Variants in LSAMP observed in about 807,000 individuals in gnomAD.
The protein encoded by LSAMP is limbic system-associated membrane protein.
Under a neutral mutation model 38.6 loss-of-function variants are expected in LSAMP, and 7 were observed. The ratio of observed to expected loss-of-function variants is 0.18; its 90% CI spans 0.10 to 0.34. The LOEUF (loss-of-function observed/expected upper bound fraction) is 0.34. Among genes scored for constraint, LSAMP ranks in the 10% least tolerant of loss-of-function variants. LSAMP has a pLI of 1.00. For synonymous variants in LSAMP, 154 were observed against 166.8 expected (o/e 0.92, Z 0.59); for missense variants, 313 against 420.0 (o/e 0.75, Z 2.23).
intron 1 of LSAMP, among the ~76,000 whole-genome samples, chr3:116,324,662 A>G (rs897368942): frequency 2.0e-5 from 3 of 152,172 alleles, no homozygotes; most frequent in African/African-American, 7.2e-5. Flanking sequence ...TCCTTTTGCA[A>G]CAAGTCATGC....
intron 1 of LSAMP, among the ~76,000 whole-genome samples, chr3:116,121,783 T>C (rs918047955): frequency 6.6e-6 from 1 of 152,116 alleles, no homozygotes; most frequent in African/African-American, 2.4e-5. Context: ...AGCAAGCTTG[T>C]CCAACCCGCA....
At position 116,119,691 on chromosome 3, in the gene LSAMP, C is replaced by T. The variant is rs530042015; in HGVS notation, c.156-33135G>A. Reference sequence around the variant, plus strand: ...TTTTTTTTTTTGAGAAGGAGTCTTGCTCTGTTACCCAGGCTGGAGTACAGT... The same window carrying T: ...TTTTTTTTTTTGAGAAGGAGTCTTGTTCTGTTACCCAGGCTGGAGTACAGT... On this transcript the variant is annotated intron_variant, in intron 1 of 6. Coordinates refer to ENST00000490035, the MANE Select transcript of LSAMP (RefSeq NM_002338.5). Among the ~76,000 whole-genome samples, 119 of 148,208 alleles carry T rather than the reference C, an allele frequency of 8.0e-4. 1 individual carries two copies. Among genetic ancestry groups the T allele is most frequent in the African/African-American group, 2.8e-3 (113 of 39,878 alleles).
chr3:116,179,232 A>C (rs1206273568), intron 1 of LSAMP, among the ~76,000 whole-genome samples: 1 of 152,164 alleles, frequency 6.6e-6, no homozygotes, highest in Non-Finnish European at 1.5e-5. Context: ...AAACCTTTGT[A>C]GACATCTGGA....
At position 116,026,734 on chromosome 3, in the gene LSAMP, G is replaced by A. The variant is rs987454859; in HGVS notation, c.389-7094C>T. ...AGACTGTGTTAATGGCCTCAAATCT[G>A]TACTCCTCCCTCTATCCCCATCCTT... On this transcript the variant is annotated intron_variant, in intron 2 of 6. Transcript: ENST00000490035. 2.0e-5 allele frequency among the ~76,000 whole-genome samples: 3 copies of A among 152,260 alleles called. No homozygotes were observed. The East Asian group carries it at 5.8e-4, about 29-fold the overall frequency.
intron 3 of LSAMP, among the ~76,000 whole-genome samples, chr3:115,870,973 A>C (rs1936016067): frequency 6.6e-6 from 1 of 152,156 alleles, no homozygotes; most frequent in African/African-American, 2.4e-5. Context: ...CCCACAGAAG[A>C]GAAAACTCAT....
intron 1 of LSAMP, among the ~76,000 whole-genome samples, chr3:116,090,051 T>TAA (rs11425708): frequency 6.6e-5 from 10 of 150,692 alleles, no homozygotes; most frequent in East Asian, 5.9e-4. Context: ...AAAGTACACA[T>TAA]GAAAAAAAAT....
chr3:115,941,176 T>C (rs1203807578), intron 3 of LSAMP, among the ~76,000 whole-genome samples: 1 of 152,098 alleles, frequency 6.6e-6, no homozygotes, highest in Non-Finnish European at 1.5e-5. Flanking sequence ...TCAACAGGTA[T>C]ATGAAAACAT....
chr3:116,349,755 G>A (rs1357107105), intron 1 of LSAMP, among the ~76,000 whole-genome samples: 1 of 151,978 alleles, frequency 6.6e-6, no homozygotes, highest in African/African-American at 2.4e-5. Flanking sequence ...TCACACGCCT[G>A]GGATTTCCAA....
chr3:116,204,692 G>C (rs887901614), intron 1 of LSAMP, among the ~76,000 whole-genome samples: 43 of 151,878 alleles, frequency 2.8e-4, no homozygotes, highest in Non-Finnish European at 5.4e-4. Flanking sequence ...TCTCAGGTTT[G>C]TCAAAGATCA....
chr3:115,935,546 C>T (rs1247532134), intron 3 of LSAMP, among the ~76,000 whole-genome samples: 2 of 152,168 alleles, frequency 1.3e-5, no homozygotes, highest in East Asian at 3.9e-4. Context: ...ACTGAGTTAT[C>T]TCATCCTGTT....
At chr3:115,840,115 T>C (rs1934947896) in intron 6 of LSAMP, among the ~76,000 whole-genome samples, 1 of 152,266 alleles carries the variant, frequency 6.6e-6, no homozygotes, top group Admixed American at 6.5e-5. Flanking sequence ...ATTTTATTTA[T>C]TATTTGAAAT....
At chr3:115,928,737 A>G (rs1464340872) in intron 3 of LSAMP, among the ~76,000 whole-genome samples, 1 of 152,182 alleles carries the variant, frequency 6.6e-6, no homozygotes, top group Non-Finnish European at 1.5e-5. Context: ...ATAAATCAAG[A>G]ATGTTGAGGA....
At chr3:116,283,974 C>G (rs1198826454) in intron 1 of LSAMP, among the ~76,000 whole-genome samples, 2 of 151,946 alleles carry the variant, frequency 1.3e-5, no homozygotes, top group African/African-American at 4.8e-5. Flanking sequence ...CCACTGCACT[C>G]AAACCTGGGT....
chr3:116,315,465 AG>A (rs2047616335), intron 1 of LSAMP, among the ~76,000 whole-genome samples: 1 of 152,194 alleles, frequency 6.6e-6, no homozygotes, highest in Non-Finnish European at 1.5e-5. Context: ...GGAAAAAAAA[AG>A]CTGTTAAACT....
chr3:116,164,679 AT>A, intron 1 of LSAMP, among the ~76,000 whole-genome samples: 4 of 140,026 alleles, frequency 2.9e-5, no homozygotes, highest in Non-Finnish European at 6.2e-5. Flanking sequence ...AAATATATAT[AT>A]ATAATCCAAA....
intron 3 of LSAMP, among the ~76,000 whole-genome samples, chr3:115,915,297 G>A (rs1404651588): frequency 1.3e-5 from 2 of 152,174 alleles, no homozygotes; most frequent in African/African-American, 4.8e-5. Flanking sequence ...TGATGACTGA[G>A]GTGATAAATA....
At chr3:116,336,733 A>C (rs916390247) in intron 1 of LSAMP, among the ~76,000 whole-genome samples, 9 of 152,014 alleles carry the variant, frequency 5.9e-5, no homozygotes, top group Non-Finnish European at 8.8e-5. Flanking sequence ...ACAGTATGGC[A>C]ATGCCTCGAA....
At chr3:116,270,926 C>T (rs1261842643) in intron 1 of LSAMP, among the ~76,000 whole-genome samples, 1 of 152,108 alleles carries the variant, frequency 6.6e-6, no homozygotes, top group East Asian at 1.9e-4. Flanking sequence ...ACAAAGCTTG[C>T]TTACTTCTCC....
chr3:116,269,349 T>C (rs189283452), intron 1 of LSAMP, among the ~76,000 whole-genome samples: 1 of 152,240 alleles, frequency 6.6e-6, no homozygotes, highest in East Asian at 1.9e-4. Context: ...ACACATATTA[T>C]ATACCCTGTT....
Sources: gnomAD v4.1 joint callset for allele counts (sites outside exome capture counted in the v4.1 genomes callset) on GRCh38, gnomAD v4.1.1 for gene constraint, MANE v1.5 for transcripts, NCBI Gene and HGNC (gene_info 2026-07-23, HGNC 2026-07-21) for gene names.